Variants in ADGRB3 observed in about 807,000 individuals in gnomAD.
The protein encoded by ADGRB3 is adhesion G protein-coupled receptor B3.
In ADGRB3, 37 loss-of-function variants were observed where a neutral mutation model predicts 193.4. The observed-to-expected ratio is 0.19, with a 90% CI of 0.15 to 0.25. The LOEUF (loss-of-function observed/expected upper bound fraction) is 0.25, where lower values mean the gene tolerates loss of function less well. ADGRB3 is among the 10% of genes least tolerant of loss of function. The pLI is 1.00. For missense variants in ADGRB3, 1,637 were observed against 1,852.9 expected, an observed-to-expected ratio of 0.88 and a Z score of 2.14; for synonymous variants, 690 against 644.2, an observed-to-expected ratio of 1.07 and a Z score of -1.08.
intron 13 of ADGRB3, among the ~76,000 whole-genome samples, chr6:69,046,988 G>T (rs1365413840): frequency 3.3e-5 from 5 of 152,122 alleles, no homozygotes; most frequent in African/African-American, 4.8e-5. Context: ...CTCCCGAGTA[G>T]CTGGGACTAC....
intron 3 of ADGRB3, among the ~76,000 whole-genome samples, chr6:68,822,087 G>T (rs1181301349): frequency 6.6e-6 from 1 of 151,972 alleles, no homozygotes; most frequent in African/African-American, 2.4e-5. Context: ...CCCAAATTCA[G>T]TGCCCTCAAG....
chr6:69,316,350 T>C (rs1768311061), intron 20 of ADGRB3, among the ~76,000 whole-genome samples: 1 of 151,182 alleles, frequency 6.6e-6, no homozygotes. Flanking sequence ...TGATGGAAAA[T>C]AGGAAACATA....
At chr6:69,028,347 G>GT (rs1422209707) in intron 13 of ADGRB3, among the ~76,000 whole-genome samples, 1 of 151,964 alleles carries the variant, frequency 6.6e-6, no homozygotes, top group African/African-American at 2.4e-5. Flanking sequence ...TTGTTTGTTT[G>GT]TTTTTGTTTT....
At chr6:69,002,948 G>T (rs1371215497) in intron 11 of ADGRB3, among the ~76,000 whole-genome samples, 1 of 152,038 alleles carries the variant, frequency 6.6e-6, no homozygotes, top group Non-Finnish European at 1.5e-5. Flanking sequence ...AGGGGAGTAG[G>T]GTGTGATGAG....
At chr6:69,312,221 GCAAT>G (rs1485646341) in intron 20 of ADGRB3, among the ~76,000 whole-genome samples, 1 of 151,744 alleles carries the variant, frequency 6.6e-6, no homozygotes, top group East Asian at 1.9e-4. Context: ...ATTATTAGAT[GCAAT>G]CAAATAGGAA....
chr6:68,786,807 G>C (rs995758592), intron 3 of ADGRB3, among the ~76,000 whole-genome samples: 10 of 151,518 alleles, frequency 6.6e-5, no homozygotes, highest in Admixed American at 2.0e-4. Context: ...TCTTCCATTT[G>C]TTTGTATCCT....
At chr6:68,918,036 T>C (rs181744376) in intron 3 of ADGRB3, among the ~76,000 whole-genome samples, 100 of 152,300 alleles carry the variant, frequency 6.6e-4, no homozygotes, top group African/African-American at 2.3e-3. Context: ...ATCTACAGAA[T>C]ATACAGATTC....
intron 20 of ADGRB3, among the ~76,000 whole-genome samples, chr6:69,295,939 T>C (rs1302172569): frequency 1.3e-5 from 2 of 152,180 alleles, no homozygotes; most frequent in South Asian, 4.1e-4. Context: ...AATATGTCTA[T>C]GAATCAGGAA....
rs1430658623 is a variant in ADGRB3, at chr6:68,635,483, T to A, written c.-705T>A. 6.6e-6 allele frequency: 1 copy of A among 152,022 alleles called. No homozygotes were observed. Among genetic ancestry groups the A allele is most frequent in the Non-Finnish European group, 1.5e-5 (1 of 68,144 alleles). 9.4% of individuals were successfully genotyped at this position (152,022 alleles called of 1,614,324 possible). A position where few individuals can be genotyped will look rare whatever the true frequency, so the allele number is the denominator to read the frequency against. On this transcript the variant is annotated 5_prime_UTR_variant, in exon 1 of 32. Transcript: ENST00000370598. Reference sequence around the variant, plus strand: ...AGGAAAGCGGAAAGAGGAAAAAGCATAAGCTTGAGCCTTCCGATCCGACCA... The same window carrying A: ...AGGAAAGCGGAAAGAGGAAAAAGCAAAAGCTTGAGCCTTCCGATCCGACCA...
At chr6:68,908,309 C>A (rs1227302295) in intron 3 of ADGRB3, among the ~76,000 whole-genome samples, 6 of 151,962 alleles carry the variant, frequency 3.9e-5, no homozygotes, top group Admixed American at 3.9e-4. Flanking sequence ...ATTTAAGGGT[C>A]CACAATGACT....
intron 8 of ADGRB3, among the ~76,000 whole-genome samples, chr6:68,969,093 T>C (rs574534343): frequency 6.6e-6 from 1 of 151,924 alleles, no homozygotes; most frequent in South Asian, 2.1e-4. Context: ...TAGATACCAC[T>C]GTAGTTCATT....
chr6:68,913,793 G>GA (rs575008197), intron 3 of ADGRB3, among the ~76,000 whole-genome samples: 30 of 151,938 alleles, frequency 2.0e-4, no homozygotes, highest in Admixed American at 5.9e-4. Flanking sequence ...TAAAAACTTT[G>GA]AAAAAAAATT....
intron 30 of ADGRB3, among the ~76,000 whole-genome samples, chr6:69,377,734 T>C (rs1402466264): frequency 1.3e-5 from 2 of 152,118 alleles, no homozygotes; most frequent in Non-Finnish European, 2.9e-5. Flanking sequence ...ATACAGTGAA[T>C]ACCTCTCTGA....
At chr6:68,676,467 A>G (rs898811030) in intron 3 of ADGRB3, among the ~76,000 whole-genome samples, 1 of 151,950 alleles carries the variant, frequency 6.6e-6, no homozygotes, top group African/African-American at 2.4e-5. Context: ...GTTGTTTCTT[A>G]AACGAAAGCC....
chr6:68,729,367 TGACTA>T (rs994350948), intron 3 of ADGRB3, among the ~76,000 whole-genome samples: 2 of 151,656 alleles, frequency 1.3e-5, no homozygotes, highest in Non-Finnish European at 3.0e-5. Flanking sequence ...AAATGTACCT[TGACTA>T]TAGTACAGAA....
intron 13 of ADGRB3, among the ~76,000 whole-genome samples, chr6:69,031,091 C>G (rs1246310806): frequency 1.2e-5 from 1 of 85,644 alleles, no homozygotes; most frequent in Non-Finnish European, 2.5e-5. Flanking sequence ...CTTCTCTTCT[C>G]TTCTCTTCTC....
At chr6:69,130,643 C>T (rs1029780467) in intron 17 of ADGRB3, among the ~76,000 whole-genome samples, 2 of 150,650 alleles carry the variant, frequency 1.3e-5, no homozygotes, top group Non-Finnish European at 3.0e-5. Context: ...TTTTTATTGT[C>T]TTTTTTAACT....
chr6:68,832,425 T>C (rs1396738833), intron 3 of ADGRB3, among the ~76,000 whole-genome samples: 5 of 152,144 alleles, frequency 3.3e-5, no homozygotes. Context: ...TTAATTTCCA[T>C]AGTAAGAGGG....
At chr6:69,149,504 A>C (rs1774605583) in intron 17 of ADGRB3, among the ~76,000 whole-genome samples, 1 of 152,092 alleles carries the variant, frequency 6.6e-6, no homozygotes, top group Admixed American at 6.6e-5. Context: ...GATCTGACTG[A>C]AAGGTCCCGT....
Sources: gnomAD v4.1 joint callset for allele counts (sites outside exome capture counted in the v4.1 genomes callset) on GRCh38, gnomAD v4.1.1 for gene constraint, MANE v1.5 for transcripts, NCBI Gene and HGNC (gene_info 2026-07-23, HGNC 2026-07-21) for gene names.